CDH7: variants seen among roughly 807,000 people sequenced by gnomAD.
CDH7 encodes cadherin 7.
CDH7 carries 25 observed loss-of-function variants against 71.8 expected under a neutral mutation model. The observed-to-expected ratio is 0.35, with a 90% CI of 0.25 to 0.49. CDH7 has a LOEUF of 0.49. CDH7 is among the 20% of genes least tolerant of loss of function. CDH7 has a pLI of 0.99. For synonymous variants in CDH7, 381 were observed against 363.8 expected (o/e 1.05, Z -0.54); for missense variants, 862 against 974.6 (o/e 0.88, Z 1.54).
chr18:65,833,228 G>A (rs1912415275), intron 6 of CDH7, among the ~76,000 whole-genome samples: 1 of 152,178 alleles, frequency 6.6e-6, no homozygotes, highest in Non-Finnish European at 1.5e-5. Context: ...AAGCTGCACA[G>A]ATGTGGACTA....
At chr18:65,809,261 T>C (rs1911436266) in intron 2 of CDH7, among the ~76,000 whole-genome samples, 1 of 152,114 alleles carries the variant, frequency 6.6e-6, no homozygotes, top group African/African-American at 2.4e-5. Flanking sequence ...CCTTAAATAA[T>C]ATGGGGGTTT....
intron 6 of CDH7, among the ~76,000 whole-genome samples, chr18:65,835,038 A>G (rs144700149): frequency 1.1e-4 from 16 of 152,222 alleles, no homozygotes; most frequent in African/African-American, 3.9e-4. Context: ...TGCATCAGCT[A>G]TTGGTCAGCA....
chr18:65,790,959 T>A (rs1430827708), intron 2 of CDH7, among the ~76,000 whole-genome samples: 1 of 152,248 alleles, frequency 6.6e-6, no homozygotes, highest in Non-Finnish European at 1.5e-5. Context: ...GAACAGTTGC[T>A]GTGTTTGTAA....
At chr18:65,845,968 A>T (rs1912921206) in intron 7 of CDH7, among the ~76,000 whole-genome samples, 1 of 152,040 alleles carries the variant, frequency 6.6e-6, no homozygotes, top group Admixed American at 6.6e-5. Flanking sequence ...AAATGAAAGG[A>T]TTTAAGAATA....
intron 6 of CDH7, among the ~76,000 whole-genome samples, chr18:65,827,840 G>A (rs1912188753): frequency 6.6e-6 from 1 of 151,844 alleles, no homozygotes; most frequent in African/African-American, 2.4e-5. Flanking sequence ...ATGCATGGGT[G>A]TTAAGACGAG....
intron 6 of CDH7, among the ~76,000 whole-genome samples, chr18:65,831,532 C>G (rs1232035979): frequency 6.6e-6 from 1 of 152,102 alleles, no homozygotes; most frequent in Non-Finnish European, 1.5e-5. Context: ...CTTAAGATTT[C>G]CTCAGTCTGA....
intron 2 of CDH7, among the ~76,000 whole-genome samples, chr18:65,789,878 C>T (rs1171593003): frequency 1.3e-5 from 2 of 152,030 alleles, no homozygotes. Context: ...TCCACTGTTT[C>T]TGGCTCTAGG....
At chr18:65,861,361 G>C (rs2920587) in intron 10 of CDH7, among the ~76,000 whole-genome samples, 113,546 of 151,066 alleles carry the variant, frequency 0.75, 42,819 homozygotes, top group East Asian at 0.93. Context: ...GTGTGTGTGT[G>C]ATTTTGGTAT....
chr18:65,785,825 A>G (rs2143845329), intron 2 of CDH7, among the ~76,000 whole-genome samples: 3 of 152,336 alleles, frequency 2.0e-5, no homozygotes, highest in Non-Finnish European at 4.4e-5. Flanking sequence ...TTAAGAAAGT[A>G]ACACAAAAAT....
At chr18:65,759,363 G>GC (rs1362350050) in intron 1 of CDH7, among the ~76,000 whole-genome samples, 1 of 151,064 alleles carries the variant, frequency 6.6e-6, no homozygotes, top group Admixed American at 6.6e-5. Context: ...TCCTGCCTCA[G>GC]CCCCCCAAGT....
intron 1 of CDH7, among the ~76,000 whole-genome samples, chr18:65,756,865 A>T (rs1598981736): frequency 1.3e-5 from 2 of 152,228 alleles, no homozygotes; most frequent in Non-Finnish European, 2.9e-5. Context: ...AGTCTAGAAC[A>T]TATGAATTAA....
chr18:65,834,747 A>G (rs1358072798), intron 6 of CDH7, among the ~76,000 whole-genome samples: 1 of 152,180 alleles, frequency 6.6e-6, no homozygotes, highest in Non-Finnish European at 1.5e-5. Flanking sequence ...CTGAGTTCAA[A>G]GAAATTCCCA....
intron 2 of CDH7, among the ~76,000 whole-genome samples, chr18:65,790,996 A>G (rs1055622065): frequency 2.0e-5 from 3 of 152,268 alleles, no homozygotes; most frequent in African/African-American, 7.2e-5. Context: ...CACCTTGAAC[A>G]GAAAAACAAT....
intron 2 of CDH7, among the ~76,000 whole-genome samples, chr18:65,776,743 A>G (rs1244363919): frequency 1.3e-5 from 2 of 152,122 alleles, no homozygotes; most frequent in East Asian, 3.9e-4. Flanking sequence ...CCTATACTTC[A>G]TAAAGTTCTA....
intron 6 of CDH7, among the ~76,000 whole-genome samples, chr18:65,826,850 A>T (rs1912149920): frequency 6.6e-6 from 1 of 151,600 alleles, no homozygotes; most frequent in Admixed American, 6.6e-5. Flanking sequence ...AGTCACAGAG[A>T]TGGTTTTCAG....
rs1409015541 is a variant in CDH7 at position 65,887,241 on chromosome 18, C to T, written c.*6347C>T. On this transcript the variant is annotated 3_prime_UTR_variant, in exon 12 of 12. Coordinates refer to ENST00000397968, the MANE Select transcript of CDH7 (RefSeq NM_004361.5). ...GAATATGTTGTATACTGTATATGACCAATACTTTAAGAACAATCAAGTTTT... is the reference window on the plus strand; with the variant it reads ...GAATATGTTGTATACTGTATATGACTAATACTTTAAGAACAATCAAGTTTT... The T allele has an allele frequency of 6.6e-6, 1 of 151,838 alleles. No individual in the cohort carries two copies. Among genetic ancestry groups the T allele is most frequent in the African/African-American group, 2.4e-5 (1 of 41,316 alleles). 9.4% of individuals were successfully genotyped at this position (151,838 alleles called of 1,614,324 possible). A position where few individuals can be genotyped will look rare whatever the true frequency, so the allele number is the denominator to read the frequency against.
chr18:65,873,031 A>AT (rs1449694855), intron 11 of CDH7, among the ~76,000 whole-genome samples: 2 of 152,126 alleles, frequency 1.3e-5, no homozygotes, highest in Non-Finnish European at 2.9e-5. Flanking sequence ...AAGAAGACAG[A>AT]TTTTTTAATA....
At chr18:65,841,690 G>C (rs1191366574) in intron 6 of CDH7, among the ~76,000 whole-genome samples, 1 of 151,992 alleles carries the variant, frequency 6.6e-6, no homozygotes, top group East Asian at 1.9e-4. Context: ...TTTATGAGTA[G>C]GTCAGGTTTC....
In CDH7 at chr18:65,848,688, C is replaced by T. The variant is rs146293740; in HGVS notation, c.1235+4623C>T. The stretch of plus-strand genomic sequence containing the variant: ...CCAAAGTTCCTATACTAAAAATGGC[C>T]AATGAAATAGAACATGATATTATTA... On this transcript the variant is annotated intron_variant, in intron 7 of 11. Coordinates refer to ENST00000397968, the MANE Select transcript of CDH7 (RefSeq NM_004361.5). 3.1e-3 allele frequency among the ~76,000 whole-genome samples: 465 copies of T among 151,874 alleles called. 6 individuals are homozygous for T. The highest frequency in any genetic ancestry group is 0.013 in the Admixed American group (195 of 15,236).
Sources: gnomAD v4.1 joint callset for allele counts (sites outside exome capture counted in the v4.1 genomes callset) on GRCh38, gnomAD v4.1.1 for gene constraint, MANE v1.5 for transcripts, NCBI Gene and HGNC (gene_info 2026-07-23, HGNC 2026-07-21) for gene names.